CHSY3: variants seen among roughly 807,000 people sequenced by gnomAD.
The protein encoded by CHSY3 is chondroitin sulfate synthase 3.
In CHSY3, 35 loss-of-function variants were observed where a neutral mutation model predicts 67.2. The observed-to-expected ratio is 0.52, with a 90% CI of 0.40 to 0.69. The LOEUF is 0.69. Ranked by LOEUF, CHSY3 falls within the 30% of genes least tolerant of loss-of-function variation. The pLI, the probability that CHSY3 is intolerant of heterozygous loss-of-function variation, is 0.00. For synonymous variants in CHSY3, 474 were observed against 434.7 expected, an observed-to-expected ratio of 1.09 and a Z score of -1.12; for missense variants, 1,069 against 1,138.5, an observed-to-expected ratio of 0.94 and a Z score of 0.88.
chr5:129,998,671 CT>C (rs1763625464), intron 2 of CHSY3, among the ~76,000 whole-genome samples: 1 of 151,806 alleles, frequency 6.6e-6, no homozygotes, highest in Non-Finnish European at 1.5e-5. Flanking sequence ...AAAGCCAGTC[CT>C]TTTTAAATTG....
chr5:130,013,005 G>A (rs1764112553), intron 2 of CHSY3, among the ~76,000 whole-genome samples: 1 of 151,574 alleles, frequency 6.6e-6, no homozygotes, highest in African/African-American at 2.4e-5. Context: ...TACAGGCATT[G>A]GGTAAATGCA....
rs146577962 is a variant in CHSY3, at chr5:130,021,552, AC to A, written c.1086+113194del. Among the ~76,000 whole-genome samples, 695 of 152,090 alleles carry A rather than the reference AC, an allele frequency of 4.6e-3. 9 individuals are homozygous for A. The highest frequency in any genetic ancestry group is 0.016 in the African/African-American group (650 of 41,492). On this transcript the variant is annotated intron_variant, in intron 2 of 2. Coordinates refer to ENST00000305031, the MANE Select transcript of CHSY3 (RefSeq NM_175856.5). Reference sequence around the variant, plus strand: ...TTAACCAGTAAAGAATGTTCACACAACCTGTTTTTCTTTTTTTTCCCCCGTC... The same window carrying A: ...TTAACCAGTAAAGAATGTTCACACAACTGTTTTTCTTTTTTTTCCCCCGTC...
In CHSY3 at chr5:130,149,391, G is replaced by A. The variant is rs368231748; in HGVS notation, c.1087-34838G>A. Among the ~76,000 whole-genome samples, 17 of 152,292 alleles carry A rather than the reference G, an allele frequency of 1.1e-4. 1 individual carries two copies. The highest frequency in any genetic ancestry group is 6.5e-4 in the Admixed American group (10 of 15,298). ...TGTAAACTTATAATTATGGCAGAAG[G>A]CAAAGCAGGAGGTTGTACATCACAT... is the stretch of plus-strand genomic sequence containing the variant. On this transcript the variant is annotated intron_variant, in intron 2 of 2. Coordinates refer to ENST00000305031, the MANE Select transcript of CHSY3 (RefSeq NM_175856.5).
chr5:130,084,148 G>A (rs1263600401), intron 2 of CHSY3, among the ~76,000 whole-genome samples: 2 of 151,932 alleles, frequency 1.3e-5, no homozygotes, highest in Non-Finnish European at 2.9e-5. Flanking sequence ...TATCCTTCAA[G>A]AGGCACTTTT....
At chr5:129,920,903 C>T (rs1471720432) in intron 2 of CHSY3, among the ~76,000 whole-genome samples, 2 of 152,040 alleles carry the variant, frequency 1.3e-5, no homozygotes, top group African/African-American at 2.4e-5. Context: ...TCTGCAGCCT[C>T]GACTTCCTGG....
At chr5:130,143,756 A>ATATATATATATATATATGTGTG (rs1433405052) in intron 2 of CHSY3, among the ~76,000 whole-genome samples, 1 of 101,936 alleles carries the variant, frequency 9.8e-6, no homozygotes, top group African/African-American at 4.8e-5. Context: ...ATATATATAT[A>ATATATATATATATATATGTGTG]TGTGTGTGTG....
At chr5:130,051,523 A>G (rs1765357432) in intron 2 of CHSY3, among the ~76,000 whole-genome samples, 1 of 152,094 alleles carries the variant, frequency 6.6e-6, no homozygotes, top group African/African-American at 2.4e-5. Context: ...CATGGTATAT[A>G]TGTAATAGAA....
At chr5:129,958,992 T>C (rs1296129540) in intron 2 of CHSY3, among the ~76,000 whole-genome samples, 1 of 152,170 alleles carries the variant, frequency 6.6e-6, no homozygotes, top group African/African-American at 2.4e-5. Context: ...TAATCTAGTT[T>C]GTTAGCTAAA....
At chr5:130,143,804 A>ATATATATATG (rs1356600752) in intron 2 of CHSY3, among the ~76,000 whole-genome samples, 17 of 37,378 alleles carry the variant, frequency 4.5e-4, no homozygotes, top group Non-Finnish European at 6.4e-4. Flanking sequence ...ATATATATAT[A>ATATATATATG]TGTGTGTATA....
At chr5:130,120,707 G>T (rs2149708606) in intron 2 of CHSY3, among the ~76,000 whole-genome samples, 1 of 152,080 alleles carries the variant, frequency 6.6e-6, no homozygotes, top group East Asian at 1.9e-4. Context: ...TCATAGATTT[G>T]TTGTCAGGAT....
chr5:129,989,780 T>C (rs1763307297), intron 2 of CHSY3, among the ~76,000 whole-genome samples: 1 of 152,240 alleles, frequency 6.6e-6, no homozygotes, highest in Non-Finnish European at 1.5e-5. Flanking sequence ...TAGTGCATGC[T>C]TCATAGTATT....
chr5:130,184,404 C>G lies in CHSY3; in HGVS notation c.1262C>G (p.Thr421Ser). The G allele has an allele frequency of 1.9e-6, 3 of 1,613,524 alleles. No individual in the cohort carries two copies. In the East Asian group the frequency reaches 6.7e-5, roughly 36 times the overall value. ...AAAATTTCTGAACTTCGCTACCGCA[C>G]CATCCAGCTCCACAGGGAAAGTGCC... ...SRKISELRYR[T>S]IQLHRESALM... is the part of the protein sequence containing the mutation. Residue 421 changes from threonine (T) to serine (S), a missense_variant, in exon 3 of 3, where the codon ACC becomes AGC. Physicochemically the swap from Thr to Ser is moderately conservative, Grantham distance 58. Transcript: ENST00000305031.
intron 2 of CHSY3, among the ~76,000 whole-genome samples, chr5:130,022,482 T>A (rs1294124491): frequency 6.6e-6 from 1 of 152,014 alleles, no homozygotes; most frequent in African/African-American, 2.4e-5. Flanking sequence ...TTGCATTTGA[T>A]CTTAGCAAAG....
At chr5:129,978,982 A>G (rs1327678009) in intron 2 of CHSY3, among the ~76,000 whole-genome samples, 1 of 151,806 alleles carries the variant, frequency 6.6e-6, no homozygotes, top group African/African-American at 2.4e-5. Flanking sequence ...GCAGATCAGG[A>G]GGTCAGGAGA....
chr5:130,106,013 T>C (rs1266914436), intron 2 of CHSY3, among the ~76,000 whole-genome samples: 2 of 151,642 alleles, frequency 1.3e-5, no homozygotes, highest in Admixed American at 6.6e-5. Context: ...GTTTCAGATA[T>C]TTTTCACTGT....
At chr5:129,930,460 G>T (rs190674425) in intron 2 of CHSY3, among the ~76,000 whole-genome samples, 27 of 138,572 alleles carry the variant, frequency 1.9e-4, no homozygotes, top group Admixed American at 1.4e-3. Context: ...GCATTGATAA[G>T]TTATACATAG....
At chr5:130,015,072 G>A (rs1299348886) in intron 2 of CHSY3, among the ~76,000 whole-genome samples, 1 of 152,166 alleles carries the variant, frequency 6.6e-6, no homozygotes, top group Non-Finnish European at 1.5e-5. Flanking sequence ...CTGGTAGGAG[G>A]TGATTGGATC....
At chr5:130,128,302 A>C (rs975628035) in intron 2 of CHSY3, among the ~76,000 whole-genome samples, 1 of 151,424 alleles carries the variant, frequency 6.6e-6, no homozygotes, top group Non-Finnish European at 1.5e-5. Context: ...ACATGTTATG[A>C]TGTATGTGTG....
chr5:130,166,484 G>A (rs1769751984), intron 2 of CHSY3, among the ~76,000 whole-genome samples: 1 of 152,130 alleles, frequency 6.6e-6, no homozygotes, highest in Non-Finnish European at 1.5e-5. Flanking sequence ...ATATATCAAT[G>A]TAATTAGATC....
Sources: allele counts gnomAD v4.1 joint callset (sites outside exome capture counted in the v4.1 genomes callset), GRCh38; gene constraint gnomAD v4.1.1; transcripts MANE v1.5; gene names NCBI Gene and HGNC (gene_info 2026-07-23, HGNC 2026-07-21).